The following PDE4D variants were observed in gnomAD, a reference collection of about 807,000 sequenced individuals.
The protein encoded by PDE4D is 3',5'-cyclic-AMP phosphodiesterase 4D.
A neutral mutation model predicts 87.4 loss-of-function variants in PDE4D; 24 were observed. The ratio of observed to expected loss-of-function variants is 0.27; its 90% CI spans 0.20 to 0.39. The LOEUF (loss-of-function observed/expected upper bound fraction) is 0.39, where lower values mean the gene tolerates loss of function less well. Ranked by LOEUF, PDE4D falls within the 10% of genes least tolerant of loss-of-function variation. The probability of loss-of-function intolerance (pLI) is 1.00; values close to 1 mark genes in which losing one functional copy is unlikely to be tolerated. For synonymous variants in PDE4D, 384 were observed against 383.2 expected (o/e 1.00, Z -0.02); for missense variants, 714 against 1,041.0 (o/e 0.69, Z 4.32).
At position 58,971,172 on chromosome 5, in the gene PDE4D, A is replaced by C. The variant is rs949531257; in HGVS notation, c.*3492T>G. On this transcript the variant is annotated 3_prime_UTR_variant, in exon 15 of 15. Transcript: ENST00000340635. The stretch of plus-strand genomic sequence containing the variant: ...TGTTACCTTTCAAATGCAGCAAAAC[A>C]GAAGAAAATATTGGTTAAAGTTAAG... 1.1e-4 allele frequency: 16 copies of C among 152,248 alleles called. No individual in the cohort carries two copies. Among genetic ancestry groups the C allele is most frequent in the African/African-American group, 3.4e-4 (14 of 41,464 alleles). 9.4% of individuals were successfully genotyped at this position (152,248 alleles called of 1,614,324 possible).
At chr5:60,465,167 C>T (rs1323835300) in intron 1 of PDE4D, among the ~76,000 whole-genome samples, 3 of 151,858 alleles carry the variant, frequency 2.0e-5, no homozygotes, top group Admixed American at 1.3e-4. Context: ...TAAATGCACC[C>T]GCTTGCTTCC....
intron 1 of PDE4D, among the ~76,000 whole-genome samples, chr5:59,807,459 G>T (rs1767867607): frequency 6.6e-6 from 1 of 152,128 alleles, no homozygotes. Context: ...TATGAGGGTA[G>T]GAGGTACTGG....
chr5:60,406,866 A>C (rs1461067971), intron 1 of PDE4D, among the ~76,000 whole-genome samples: 1 of 152,240 alleles, frequency 6.6e-6, no homozygotes. Context: ...TGTTGAAAAA[A>C]AAATGGCAGT....
chr5:59,842,591 A>C (rs1743180534), intron 1 of PDE4D, among the ~76,000 whole-genome samples: 1 of 152,086 alleles, frequency 6.6e-6, no homozygotes, highest in South Asian at 2.1e-4. Flanking sequence ...AAGATAGTTG[A>C]ATAAAATAGT....
chr5:59,041,025 T>A (rs1442870819), intron 5 of PDE4D, among the ~76,000 whole-genome samples: 13 of 152,148 alleles, frequency 8.5e-5, no homozygotes, highest in Non-Finnish European at 1.5e-5. Flanking sequence ...GTACTCTAGG[T>A]TAAAATTTGC....
chr5:60,381,675 G>A (rs977278768), intron 1 of PDE4D, among the ~76,000 whole-genome samples: 3 of 152,160 alleles, frequency 2.0e-5, no homozygotes, highest in Non-Finnish European at 2.9e-5. Context: ...GAAAGAAGCC[G>A]AGGAAGCAAG....
intron 5 of PDE4D, among the ~76,000 whole-genome samples, chr5:59,102,676 C>T (rs978305029): frequency 6.6e-6 from 1 of 152,078 alleles, no homozygotes; most frequent in Non-Finnish European, 1.5e-5. Context: ...AAAGGGGGTT[C>T]CCCATCCAGC....
chr5:59,038,816 T>C, intron 6 of PDE4D, 43 bp downstream of exon 6: 1 of 1,427,548 alleles, frequency 7.0e-7, no homozygotes, highest in East Asian at 2.8e-5. Flanking sequence ...GGCATGGGAA[T>C]CAGCAGCCTG....
chr5:60,277,785 A>T (rs1475830029), intron 1 of PDE4D, among the ~76,000 whole-genome samples: 2 of 152,146 alleles, frequency 1.3e-5, no homozygotes, highest in Non-Finnish European at 2.9e-5. Flanking sequence ...ATATTTGTTT[A>T]ATGTATCAAA....
At chr5:59,803,134 G>A (rs564651197) in intron 1 of PDE4D, among the ~76,000 whole-genome samples, 6 of 152,142 alleles carry the variant, frequency 3.9e-5, no homozygotes, top group South Asian at 2.1e-4. Flanking sequence ...AGGGGAGTAC[G>A]GCACAGGAAT....
At chr5:59,632,046 G>C (rs1199422720) in intron 1 of PDE4D, among the ~76,000 whole-genome samples, 6 of 152,198 alleles carry the variant, frequency 3.9e-5, no homozygotes, top group Admixed American at 2.6e-4. Flanking sequence ...GGATGCTCTA[G>C]CTTGGTGTGG....
chr5:59,751,620 G>A (rs939244456), intron 1 of PDE4D, among the ~76,000 whole-genome samples: 6 of 132,082 alleles, frequency 4.5e-5, no homozygotes, highest in Admixed American at 1.5e-4. Flanking sequence ...TGATGTGAGA[G>A]CGAGCGAGCG....
In PDE4D at chr5:60,312,339, C is replaced by T. The variant is rs532976615; in HGVS notation, c.-89-126652G>A. On this transcript the variant is annotated intron_variant, in intron 1 of 16. Coordinates refer to the PDE4D transcript ENST00000502484. ...CAAGTTCAAAAAAACGGAAATCATA[C>T]CAACCACACTTTCAGACCACAGCTT... Among the ~76,000 whole-genome samples the T allele has an allele frequency of 5.3e-5, 8 of 152,234 alleles. No individual in the cohort carries two copies. The South Asian group carries it at 1.3e-3, about 24-fold the overall frequency.
intron 1 of PDE4D, among the ~76,000 whole-genome samples, chr5:59,444,913 C>T (rs1798137947): frequency 6.6e-6 from 1 of 152,150 alleles, no homozygotes; most frequent in Non-Finnish European, 1.5e-5. Context: ...TTGACAATCC[C>T]CATTCAAGTT....
intron 1 of PDE4D, among the ~76,000 whole-genome samples, chr5:59,740,160 T>C (rs982825158): frequency 3.9e-5 from 6 of 152,308 alleles, no homozygotes; most frequent in African/African-American, 1.4e-4. Flanking sequence ...ATAAATCATT[T>C]AGTACCTTAA....
At chr5:59,623,931 T>C (rs541688288) in intron 1 of PDE4D, among the ~76,000 whole-genome samples, 52 of 152,228 alleles carry the variant, frequency 3.4e-4, no homozygotes, top group Non-Finnish European at 6.5e-4. Flanking sequence ...GCATTTATAA[T>C]GTGGTATATG....
At chr5:59,105,436 C>A (rs1371739776) in intron 5 of PDE4D, among the ~76,000 whole-genome samples, 1 of 152,120 alleles carries the variant, frequency 6.6e-6, no homozygotes, top group African/African-American at 2.4e-5. Flanking sequence ...GTTGTAGGTA[C>A]CATCAAATTC....
chr5:59,481,230 G>T (rs1038573866), intron 1 of PDE4D, among the ~76,000 whole-genome samples: 1 of 152,026 alleles, frequency 6.6e-6, no homozygotes, highest in Non-Finnish European at 1.5e-5. Flanking sequence ...AGTCCCATTG[G>T]CATGCTAAGA....
chr5:59,281,402 CCA>C (rs1765776499), intron 1 of PDE4D, among the ~76,000 whole-genome samples: 1 of 152,054 alleles, frequency 6.6e-6, no homozygotes, highest in Non-Finnish European at 1.5e-5. Context: ...GATTGTTTCT[CCA>C]CAGTTTTAAA....
Sources: allele counts gnomAD v4.1 joint callset (sites outside exome capture counted in the v4.1 genomes callset), GRCh38; gene constraint gnomAD v4.1.1; transcripts MANE v1.5; gene names NCBI Gene and HGNC (gene_info 2026-07-23, HGNC 2026-07-21).